The following DNAH14 variants were observed in gnomAD, a reference collection of about 807,000 sequenced individuals.
The protein encoded by DNAH14 is dynein axonemal heavy chain 14, also known as axonemal beta dynein heavy chain 14.
A neutral mutation model predicts 520.9 loss-of-function variants in DNAH14; 478 were observed. The observed-to-expected ratio is 0.92, with a 90% CI of 0.85 to 0.99. The LOEUF is 0.99. Among genes scored for constraint, DNAH14 ranks in the 50% least tolerant of loss-of-function variants. The pLI is 0.00. For synonymous variants in DNAH14, 1,581 were observed against 1,757.2 expected (o/e 0.90, Z 2.51); for missense variants, 4,831 against 5,234.5 (o/e 0.92, Z 2.38).
chr1:225,374,182 T>TATATATATATATATATATATAC (rs1263904206), intron 77 of DNAH14, among the ~76,000 whole-genome samples: 1 of 97,128 alleles, frequency 1.0e-5, no homozygotes, highest in African/African-American at 3.5e-5. Context: ...TATATATATA[T>TATATATATATATATATATATAC]ACTATTCTAG....
intron 35 of DNAH14, among the ~76,000 whole-genome samples, chr1:225,164,577 C>G (rs2081858681): frequency 6.6e-6 from 1 of 151,936 alleles, no homozygotes; most frequent in African/African-American, 2.4e-5. Context: ...TCTCTCTTTT[C>G]CTGCTCACTA....
rs2072818434 is a variant in DNAH14 at position 225,079,316 on chromosome 1, A to G, written c.2534A>G (p.Glu845Gly). 1 of 1,549,890 alleles carries G rather than the reference A, an allele frequency of 6.5e-7. No homozygotes were observed. Among genetic ancestry groups the G allele is most frequent in the Non-Finnish European group, 8.7e-7 (1 of 1,146,630 alleles). The change falls in exon 18 of 86, where the codon GAA (glutamate) becomes GGA (glycine). Residue 845 changes from glutamate (E) to glycine (G), a missense_variant. Glu to Gly is a moderately conservative substitution (Grantham distance 98, BLOSUM62 -2). Transcript: ENST00000682510. ...ATTTCCTCAAAAATATCTAAATTAG[A>G]AAAAGAGTTCTTAACAATGTCTCAG... ...NAISSKISKLEKEFLTMSQLY... is the reference protein window; with the variant it reads ...NAISSKISKLGKEFLTMSQLY...
chr1:225,164,244 C>G (rs1166273370), intron 35 of DNAH14, among the ~76,000 whole-genome samples: 3 of 152,048 alleles, frequency 2.0e-5, no homozygotes, highest in Admixed American at 6.6e-5. Flanking sequence ...ACTCTTTTAT[C>G]AGCCTCCTAT....
chr1:225,398,700 C>T, intron 85 of DNAH14, 34 bp downstream of exon 85: 4 of 1,547,590 alleles, frequency 2.6e-6, no homozygotes, highest in Non-Finnish European at 3.5e-6. Context: ...AAGTCCTAAA[C>T]CTCTGAGCGT....
At chr1:225,126,439 A>C (rs1016273451) in intron 27 of DNAH14, among the ~76,000 whole-genome samples, 1 of 152,008 alleles carries the variant, frequency 6.6e-6, no homozygotes, top group Non-Finnish European at 1.5e-5. Context: ...GTCTTGGAAG[A>C]GTGTATGTGT....
Position 225,398,509 on chromosome 1 carries a change from T to C in DNAH14, c.13492-11T>C, listed in dbSNP as rs1490212347. On this transcript the variant is annotated splice_polypyrimidine_tract_variant and intron_variant, in intron 84 of 85. Coordinates refer to ENST00000682510, the MANE Select transcript of DNAH14 (RefSeq NM_001367479.1). Reference sequence around the variant, plus strand: ...CTGGGGATCCCTGACACCACCTCTCTTCCATCTTAGGGCTCAGCTTCCTCT... The same window carrying C: ...CTGGGGATCCCTGACACCACCTCTCCTCCATCTTAGGGCTCAGCTTCCTCT... The C allele has an allele frequency of 5.8e-6, 9 of 1,551,438 alleles. No homozygotes were observed. Among genetic ancestry groups the C allele is most frequent in the Non-Finnish European group, 7.8e-6 (9 of 1,146,818 alleles).
intron 83 of DNAH14, among the ~76,000 whole-genome samples, chr1:225,391,130 A>G (rs2095905463): frequency 6.6e-6 from 1 of 152,220 alleles, no homozygotes; most frequent in South Asian, 2.1e-4. Flanking sequence ...ATGCCGCTGC[A>G]AAGTTGGGCA....
chr1:224,991,083 GC>G (rs2062998433), intron 8 of DNAH14, among the ~76,000 whole-genome samples: 1 of 95,902 alleles, frequency 1.0e-5, no homozygotes, highest in Non-Finnish European at 1.9e-5. Flanking sequence ...GTGATGTTGA[GC>G]TTTTTTTTTT....
intron 34 of DNAH14, among the ~76,000 whole-genome samples, chr1:225,156,807 C>T (rs1319344077): frequency 1.8e-5 from 2 of 109,798 alleles, no homozygotes; most frequent in African/African-American, 7.7e-5. Flanking sequence ...CTCCGCCTCC[C>T]GGGTTCACGC....
At chr1:225,210,669 C>T (rs1256303189) in intron 41 of DNAH14, among the ~76,000 whole-genome samples, 2 of 152,202 alleles carry the variant, frequency 1.3e-5, no homozygotes, top group Non-Finnish European at 2.9e-5. Context: ...GGACAGACTG[C>T]CTCAAGTGGG....
intron 2 of DNAH14, 132 bp from the exon 3 acceptor site, chr1:224,954,827 C>CTTA: frequency 3.2e-6 from 2 of 633,272 alleles, no homozygotes; most frequent in South Asian, 4.3e-5. Context: ...AGCATGTTAA[C>CTTA]CATAGCATTT....
chr1:224,960,337 C>A, intron 4 of DNAH14, 35 bp downstream of exon 4: 2 of 1,475,874 alleles, frequency 1.4e-6, no homozygotes, highest in South Asian at 3.0e-5. Context: ...GCTTAGAAAT[C>A]ACTATACTTT....
intron 9 of DNAH14, among the ~76,000 whole-genome samples, chr1:225,004,203 G>A (rs1225967972): frequency 6.6e-6 from 1 of 152,128 alleles, no homozygotes. Context: ...TCTGCTTACA[G>A]TTCATGGGAA....
chr1:225,197,957 A>G (rs2086364841), intron 38 of DNAH14, among the ~76,000 whole-genome samples: 1 of 152,138 alleles, frequency 6.6e-6, no homozygotes, highest in Non-Finnish European at 1.5e-5. Context: ...AGGGTTTTCT[A>G]GGTAAACAAT....
At chr1:225,120,567 C>T (rs2077206626) in intron 26 of DNAH14, among the ~76,000 whole-genome samples, 1 of 152,172 alleles carries the variant, frequency 6.6e-6, no homozygotes, top group South Asian at 2.1e-4. Context: ...AATTCCTTCC[C>T]AAGGTTGGTT....
Position 224,951,644 on chromosome 1 carries a change from ATTTTTTTT to A in DNAH14, c.-33-1009_-33-1002del, listed in dbSNP as rs67437504. Among the ~76,000 whole-genome samples the A allele has an allele frequency of 5.0e-5, 4 of 80,150 alleles. No individual in the cohort carries two copies. The South Asian group carries it at 1.7e-3, about 35-fold the overall frequency. 52.6% of individuals were successfully genotyped at this position (80,150 alleles called of 152,430 possible). On this transcript the variant is annotated intron_variant, in intron 1 of 85. Transcript: ENST00000682510. ...TCATACCTACTGTGTAGATTTCTGG[ATTTTTTTT>A]TTTTTTTTTTTTTTTTGAGACGGAG...
At chr1:225,106,596 T>C (rs1397050556) in intron 23 of DNAH14, among the ~76,000 whole-genome samples, 1 of 152,230 alleles carries the variant, frequency 6.6e-6, no homozygotes, top group Non-Finnish European at 1.5e-5. Context: ...TTCTTTTTTC[T>C]CTAAACTTTT....
chr1:225,335,597 A>G (rs2094965342), intron 66 of DNAH14, among the ~76,000 whole-genome samples: 1 of 147,846 alleles, frequency 6.8e-6, no homozygotes. Context: ...ATATGTATAT[A>G]CGCATACGTA....
At chr1:224,959,524 G>C (rs2060717596) in intron 3 of DNAH14, among the ~76,000 whole-genome samples, 1 of 152,082 alleles carries the variant, frequency 6.6e-6, no homozygotes, top group Non-Finnish European at 1.5e-5. Context: ...TTTGTTCAAT[G>C]AATGAGAACA....
Sources: allele counts gnomAD v4.1 joint callset (sites outside exome capture counted in the v4.1 genomes callset), GRCh38; gene constraint gnomAD v4.1.1; transcripts MANE v1.5; gene names NCBI Gene and HGNC (gene_info 2026-07-23, HGNC 2026-07-21).